RSRC1: variants seen among roughly 807,000 people sequenced by gnomAD.
The protein encoded by RSRC1 is serine/Arginine-related protein 53.
A neutral mutation model predicts 49.1 loss-of-function variants in RSRC1; 39 were observed. The observed-to-expected ratio is 0.79, with a 90% confidence interval of 0.61 to 1.04. RSRC1 has a LOEUF of 1.04. RSRC1 is among the 50% of genes least tolerant of loss of function. The pLI is 0.00. For missense variants in RSRC1, 388 were observed against 402.4 expected (o/e 0.96, Z 0.31); for synonymous variants, 143 against 130.8 (o/e 1.09, Z -0.63).
intron 7 of RSRC1, among the ~76,000 whole-genome samples, chr3:158,487,949 G>GAAAAAAAAAAAAAAAAAA (rs58689210): frequency 3.5e-5 from 1 of 28,920 alleles, no homozygotes; most frequent in African/African-American, 1.3e-4. Flanking sequence ...TCCATCTCAA[G>GAAAAAAAAAAAAAAAAAA]AAAAAAAAAA....
At chr3:158,403,267 A>G (rs1481911824) in intron 6 of RSRC1, among the ~76,000 whole-genome samples, 1 of 151,848 alleles carries the variant, frequency 6.6e-6, no homozygotes, top group Non-Finnish European at 1.5e-5. Context: ...TTCCTGAGAA[A>G]CTATAAACTG....
At chr3:158,341,726 T>TA (rs1488300589) in intron 5 of RSRC1, among the ~76,000 whole-genome samples, 1 of 152,080 alleles carries the variant, frequency 6.6e-6, no homozygotes, top group Non-Finnish European at 1.5e-5. Context: ...CCACCATCCT[T>TA]CAGGCCCCAG....
At position 158,119,364 on chromosome 3, in the gene RSRC1, TC is replaced by T. The variant is rs1420944425; in HGVS notation, c.-2-2738del. On this transcript the variant is annotated intron_variant, in intron 1 of 9. Transcript: ENST00000611884. ...CACTTGCCAAAAGTTTGTTGACATA[TC>T]TCATGTTCCTGTTGTTTTCTAGTCT... Among the ~76,000 whole-genome samples, 8 of 152,342 alleles carry T rather than the reference TC, an allele frequency of 5.3e-5. No individual in the cohort carries two copies. The East Asian group carries it at 1.5e-3, about 29-fold the overall frequency.
intron 6 of RSRC1, among the ~76,000 whole-genome samples, chr3:158,430,303 C>T (rs967782687): frequency 1.3e-5 from 2 of 151,782 alleles, no homozygotes; most frequent in African/African-American, 4.8e-5. Context: ...ATACAGTTTC[C>T]CCAGAGCTCA....
chr3:158,397,087 AGACTT>A (rs1292717178), intron 6 of RSRC1, among the ~76,000 whole-genome samples: 1 of 152,186 alleles, frequency 6.6e-6, no homozygotes, highest in African/African-American at 2.4e-5. Context: ...TCTTTATATT[AGACTT>A]CTAATACATC....
At chr3:158,312,280 T>C (rs1370943843) in intron 5 of RSRC1, among the ~76,000 whole-genome samples, 1 of 152,104 alleles carries the variant, frequency 6.6e-6, no homozygotes, top group African/African-American at 2.4e-5. Context: ...AATGTGGCCT[T>C]AAGTAGTGTT....
chr3:158,214,908 T>C (rs946595520), intron 4 of RSRC1, among the ~76,000 whole-genome samples: 2 of 151,882 alleles, frequency 1.3e-5, no homozygotes, highest in Admixed American at 6.6e-5. Flanking sequence ...GTTGTATAAA[T>C]AGCAATTAAA....
intron 3 of RSRC1, among the ~76,000 whole-genome samples, chr3:158,178,877 C>T (rs1203712040): frequency 1.3e-5 from 2 of 151,674 alleles, no homozygotes; most frequent in East Asian, 3.9e-4. Context: ...TTTGTTTATT[C>T]CTAAATGTTT....
At chr3:158,525,145 G>A (rs932192593) in intron 7 of RSRC1, among the ~76,000 whole-genome samples, 1 of 151,784 alleles carries the variant, frequency 6.6e-6, no homozygotes, top group Non-Finnish European at 1.5e-5. Context: ...GTCATAGAAT[G>A]GAAGCAAATA....
At chr3:158,487,949 G>GGAAAAAAA (rs1553814781) in intron 7 of RSRC1, among the ~76,000 whole-genome samples, 3,048 of 28,762 alleles carry the variant, frequency 0.11, 525 homozygotes, top group Non-Finnish European at 0.15. Context: ...TCCATCTCAA[G>GGAAAAAAA]AAAAAAAAAA....
At chr3:158,390,300 A>G (rs6414388) in intron 6 of RSRC1, among the ~76,000 whole-genome samples, 79,294 of 151,990 alleles carry the variant, frequency 0.52, 21,102 homozygotes, top group African/African-American at 0.61. Context: ...AGCCTGGCCC[A>G]GTCTAGGTTT....
intron 5 of RSRC1, among the ~76,000 whole-genome samples, chr3:158,303,753 C>T (rs1434704075): frequency 2.0e-5 from 3 of 151,794 alleles, no homozygotes; most frequent in Non-Finnish European, 4.4e-5. Context: ...GTTCATAAAC[C>T]CAGGGGAAGA....
intron 7 of RSRC1, among the ~76,000 whole-genome samples, chr3:158,472,671 C>A (rs1051011299): frequency 7.9e-5 from 12 of 152,220 alleles, no homozygotes; most frequent in African/African-American, 2.9e-4. Flanking sequence ...ATCCTTTGCC[C>A]ACTTTTTGAT....
intron 3 of RSRC1, among the ~76,000 whole-genome samples, chr3:158,189,232 C>T (rs1156401722): frequency 1.3e-5 from 2 of 151,616 alleles, no homozygotes; most frequent in East Asian, 1.9e-4. Flanking sequence ...CCTTCGTGGC[C>T]CGCCATATAC....
At chr3:158,160,830 C>A (rs1427935299) in intron 3 of RSRC1, among the ~76,000 whole-genome samples, 1 of 152,044 alleles carries the variant, frequency 6.6e-6, no homozygotes, top group South Asian at 2.1e-4. Flanking sequence ...ATGTTATCAT[C>A]CTAGGTTACT....
chr3:158,434,519 C>T (rs1262628099), intron 6 of RSRC1, among the ~76,000 whole-genome samples: 4 of 151,876 alleles, frequency 2.6e-5, no homozygotes, highest in South Asian at 2.1e-4. Context: ...CTACAAACAC[C>T]GATATTGGGT....
chr3:158,186,690 C>T (rs950741600), intron 3 of RSRC1, among the ~76,000 whole-genome samples: 9 of 151,894 alleles, frequency 5.9e-5, no homozygotes, highest in African/African-American at 2.2e-4. Context: ...CTTTGAAGAT[C>T]TTTGAACTTG....
At chr3:158,427,340 AT>A (rs1449055006) in intron 6 of RSRC1, among the ~76,000 whole-genome samples, 2 of 151,796 alleles carry the variant, frequency 1.3e-5, no homozygotes, top group Admixed American at 1.3e-4. Context: ...GAAGATTTCT[AT>A]TTTCTCCAAA....
At chr3:158,267,544 T>G (rs1191512521) in intron 4 of RSRC1, among the ~76,000 whole-genome samples, 2 of 152,058 alleles carry the variant, frequency 1.3e-5, no homozygotes, top group Non-Finnish European at 1.5e-5. Flanking sequence ...AAAAAAATTT[T>G]TTTTTCTTGT....
Sources: gnomAD v4.1 joint callset for allele counts (sites outside exome capture counted in the v4.1 genomes callset) on GRCh38, gnomAD v4.1.1 for gene constraint, MANE v1.5 for transcripts, NCBI Gene and HGNC (gene_info 2026-07-23, HGNC 2026-07-21) for gene names.